The following COL23A1 variants were observed in gnomAD, a reference collection of about 807,000 sequenced individuals.
COL23A1 encodes collagen alpha-1(XXIII) chain.
In COL23A1, 97 loss-of-function variants were observed where a neutral mutation model predicts 99.3. The observed-to-expected ratio is 0.98, with a 90% CI of 0.83 to 1.16. The LOEUF is 1.16. Ranked by LOEUF, COL23A1 falls within the 50% of genes most tolerant of loss-of-function variation. The pLI is 0.00. For missense variants in COL23A1, 762 were observed against 757.4 expected, an observed-to-expected ratio of 1.01 and a Z score of -0.07; for synonymous variants, 320 against 308.2, an observed-to-expected ratio of 1.04 and a Z score of -0.40.
intron 2 of COL23A1, among the ~76,000 whole-genome samples, chr5:178,543,979 T>TG (rs1761440118): frequency 6.6e-6 from 1 of 152,086 alleles, no homozygotes; most frequent in Non-Finnish European, 1.5e-5. Flanking sequence ...AAAAGCTCCC[T>TG]GGGGTCCCTT....
chr5:178,310,062 A>G lies in COL23A1; in HGVS notation c.362-3143T>C, dbSNP rs73344843. ...AAGCTCCAGGGCTTAGGAGAGACAC[A>G]GGGCCACCTGGTCTGATGTGACGTG... On this transcript the variant is annotated intron_variant, in intron 2 of 28. Transcript: ENST00000390654. The surrounding 1 kb of genome is among the most constrained non-coding windows in gnomAD (Gnocchi z 4.3). Among the ~76,000 whole-genome samples the G allele has an allele frequency of 0.034, 5,221 of 152,320 alleles. 259 individuals are homozygous for G. The highest frequency in any genetic ancestry group is 0.11 in the African/African-American group (4,588 of 41,560).
At chr5:178,287,767 C>A (rs895853420) in intron 5 of COL23A1, among the ~76,000 whole-genome samples, 1 of 152,364 alleles carries the variant, frequency 6.6e-6, no homozygotes, top group South Asian at 2.1e-4. Context: ...CGACCCTCAA[C>A]CCCCGCACAG....
intron 5 of COL23A1, among the ~76,000 whole-genome samples, chr5:178,285,808 AC>A (rs1231010433): frequency 2.0e-5 from 3 of 152,176 alleles, no homozygotes; most frequent in African/African-American, 7.2e-5. Flanking sequence ...CTGCAAATAT[AC>A]CCCAGGCTGA....
chr5:178,582,518 C>A (rs575321538), intron 1 of COL23A1, among the ~76,000 whole-genome samples: 1 of 152,276 alleles, frequency 6.6e-6, no homozygotes, highest in Admixed American at 6.5e-5. Context: ...AGGATCACAT[C>A]CACACTTCGC....
chr5:178,241,877 A>T (rs1764419427), intron 27 of COL23A1, among the ~76,000 whole-genome samples, 165 bp downstream of exon 27: 1 of 152,228 alleles, frequency 6.6e-6, no homozygotes, highest in Admixed American at 6.5e-5. Context: ...GGGAACCGCG[A>T]TGATGGCAGT....
At chr5:178,557,183 C>T (rs1316616619) in intron 2 of COL23A1, among the ~76,000 whole-genome samples, 2 of 152,170 alleles carry the variant, frequency 1.3e-5, no homozygotes, top group African/African-American at 2.4e-5. Flanking sequence ...ATCCCCACTC[C>T]GCTGTCACCT....
chr5:178,319,729 G>A lies in COL23A1; in HGVS notation c.362-12810C>T, dbSNP rs183851757. Among the ~76,000 whole-genome samples, 16 of 152,312 alleles carry A rather than the reference G, an allele frequency of 1.1e-4. No homozygotes were observed. The East Asian group carries it at 2.3e-3, about 22-fold the overall frequency. On this transcript the variant is annotated intron_variant, in intron 2 of 28. Transcript: ENST00000390654. ...GGCATGGCCCAGTTTTAACTTCCACGTCTCCTGGAGCTTGAGTGGGCACTG... is the reference window on the plus strand; with the variant it reads ...GGCATGGCCCAGTTTTAACTTCCACATCTCCTGGAGCTTGAGTGGGCACTG...
chr5:178,551,836 A>G (rs1204854933), intron 2 of COL23A1, among the ~76,000 whole-genome samples: 8 of 152,080 alleles, frequency 5.3e-5, no homozygotes, highest in Admixed American at 5.2e-4. Flanking sequence ...CTCGTCTTAA[A>G]GCTAAATTCC....
intron 2 of COL23A1, among the ~76,000 whole-genome samples, chr5:178,454,172 A>C (rs1767640315): frequency 6.6e-6 from 1 of 152,134 alleles, no homozygotes; most frequent in East Asian, 1.9e-4. Context: ...CTGTTTTCTA[A>C]AATACCCTGC....
At chr5:178,278,649 C>T (rs984150889) in intron 5 of COL23A1, among the ~76,000 whole-genome samples, 20 of 152,204 alleles carry the variant, frequency 1.3e-4, no homozygotes, top group Non-Finnish European at 4.4e-5. Context: ...TCCCACCCTC[C>T]TGGGCCAGCC....
At chr5:178,551,320 G>C (rs1256181177) in intron 2 of COL23A1, among the ~76,000 whole-genome samples, 1 of 151,850 alleles carries the variant, frequency 6.6e-6, no homozygotes, top group African/African-American at 2.4e-5. Context: ...GAAACTTCAA[G>C]ATCTTTATTT....
intron 28 of COL23A1, 42 bp from the exon 29 acceptor site, chr5:178,238,742 G>A (rs1764237088): frequency 3.1e-6 from 5 of 1,612,104 alleles, no homozygotes; most frequent in Non-Finnish European, 3.4e-6. Context: ...AGGAGCCCGA[G>A]AAGCTCCGCC....
At chr5:178,274,259 G>A (rs980234969) in intron 5 of COL23A1, among the ~76,000 whole-genome samples, 6 of 152,226 alleles carry the variant, frequency 3.9e-5, no homozygotes, top group African/African-American at 9.6e-5. Context: ...CAACTGAGGC[G>A]TGAGGCTGTG....
At chr5:178,419,362 C>T (rs1283063978) in intron 2 of COL23A1, among the ~76,000 whole-genome samples, 1 of 152,184 alleles carries the variant, frequency 6.6e-6, no homozygotes, top group Non-Finnish European at 1.5e-5. Context: ...CCAAGGCGAG[C>T]CTCCACCCTT....
At chr5:178,444,658 T>G (rs540516028) in intron 2 of COL23A1, among the ~76,000 whole-genome samples, 1 of 152,164 alleles carries the variant, frequency 6.6e-6, no homozygotes, top group South Asian at 2.1e-4. Context: ...TAGCCAGGTG[T>G]GGTGGTGTAC....
chr5:178,322,737 C>A (rs765815938), intron 2 of COL23A1, among the ~76,000 whole-genome samples: 7 of 152,242 alleles, frequency 4.6e-5, no homozygotes, highest in Non-Finnish European at 4.4e-5. Flanking sequence ...CTCATGTGGT[C>A]ATTCCAGGGA....
Position 178,389,901 on chromosome 5 carries a change from G to A in COL23A1, c.362-82982C>T, listed in dbSNP as rs190149889. Among the ~76,000 whole-genome samples, 10 of 152,290 alleles carry A rather than the reference G, an allele frequency of 6.6e-5. No individual in the cohort carries two copies. In the East Asian group the frequency reaches 9.6e-4, roughly 15 times the overall value. On this transcript the variant is annotated intron_variant, in intron 2 of 28. Coordinates refer to ENST00000390654, the MANE Select transcript of COL23A1 (RefSeq NM_173465.4). Reference sequence around the variant, plus strand: ...TCCTGAGCCGTTCTGAAGTGGCACCGGCTGCCCCTGCCAAGACACCGGTAA... The same window carrying A: ...TCCTGAGCCGTTCTGAAGTGGCACCAGCTGCCCCTGCCAAGACACCGGTAA...
intron 2 of COL23A1, among the ~76,000 whole-genome samples, chr5:178,335,632 A>G (rs554459429): frequency 6.6e-6 from 1 of 152,306 alleles, no homozygotes; most frequent in East Asian, 1.9e-4. Context: ...TAGAGACTGC[A>G]GTTTCAGTAT....
chr5:178,246,560 T>C (rs896291860), intron 22 of COL23A1, 107 bp from the exon 23 acceptor site: 7 of 1,165,058 alleles, frequency 6.0e-6, no homozygotes, highest in Admixed American at 2.2e-5. Context: ...GAGGAACAGA[T>C]CGAGGCTCCC....
Sources: gnomAD v4.1 joint callset for allele counts (sites outside exome capture counted in the v4.1 genomes callset) on GRCh38, gnomAD v4.1.1 for gene constraint, Gnocchi (gnomAD v3.1) non-coding constraint, MANE v1.5 for transcripts, NCBI Gene and HGNC (gene_info 2026-07-23, HGNC 2026-07-21) for gene names.